The following PAH variants were observed in gnomAD, a reference collection of about 807,000 sequenced individuals.
The protein encoded by PAH is phenylalanine hydroxylase.
In PAH, 64 loss-of-function variants were observed where a neutral mutation model predicts 62.0. That is an observed-to-expected ratio of 1.03 (90% CI 0.84 to 1.27). The LOEUF is 1.27. PAH is among the 50% of genes most tolerant of loss of function. PAH has a pLI of 0.00. For missense variants in PAH, 579 were observed against 542.8 expected (o/e 1.07, Z -0.66); for synonymous variants, 195 against 196.2 (o/e 0.99, Z 0.05).
chr12:102,881,335 CAT>C (rs962432514), intron 3 of PAH, among the ~76,000 whole-genome samples: 42 of 151,104 alleles, frequency 2.8e-4, no homozygotes, highest in Admixed American at 1.5e-3. Context: ...TTATATAACA[CAT>C]ATATATTTAT....
At chr12:102,886,140 C>T (rs781057262) in intron 3 of PAH, 6 of 152,218 alleles carry the variant, frequency 3.9e-5, no homozygotes, top group African/African-American at 7.2e-5. Context: ...GAATGATGAG[C>T]CAAAGGCTGG....
chr12:102,949,020 G>A (rs1275540189), intron 1 of PAH, among the ~76,000 whole-genome samples: 1 of 151,988 alleles, frequency 6.6e-6, no homozygotes, highest in African/African-American at 2.4e-5. Context: ...TGCAGTTTGC[G>A]AAATAACCGG....
At chr12:102,843,064 A>G (rs2136634905) in intron 11 of PAH, among the ~76,000 whole-genome samples, 1 of 152,266 alleles carries the variant, frequency 6.6e-6, no homozygotes, top group South Asian at 2.1e-4. Context: ...GCCTTCACCA[A>G]TTATTTATTG....
rs867721500 is a variant in PAH, at chr12:102,837,285, A to G, written c.*1890T>C. The G allele has an allele frequency of 2.0e-5, 3 of 152,296 alleles. No homozygotes were observed. The highest frequency in any genetic ancestry group is 4.2e-4 in the South Asian group (2 of 4,818). The allele number at this position is 152,296 out of a possible 1,614,324, so 9.4% of individuals were successfully genotyped here. A position where few individuals can be genotyped will look rare whatever the true frequency, so the allele number is the denominator to read the frequency against. ...TCCTGTGAAAATCATAACTTAACCG[A>G]AACTTTACCTTCAAGCTCATTAAAA... On this transcript the variant is annotated 3_prime_UTR_variant, in exon 13 of 13. Coordinates refer to ENST00000553106, the MANE Select transcript of PAH (RefSeq NM_000277.3).
Position 102,877,519 on chromosome 12 carries a change from C to T in PAH, c.384G>A (p.Leu128=), listed in dbSNP as rs879012174. The part of the protein sequence containing the change: ...VPWFPRTIQE[L]DRFANQILSY... ...TGAGAATCTGATTGGCAAATCTGTC[C>T]AGCTCTTGAATGGTTCTTGGGAACC... Residue 128 remains leucine, a synonymous_variant, in exon 4 of 13, where the codon CTG becomes CTA. Transcript: ENST00000553106. The T allele has an allele frequency of 1.2e-6, 2 of 1,614,064 alleles. No individual in the cohort carries two copies. Among genetic ancestry groups the T allele is most frequent in the South Asian group, 2.2e-5 (2 of 91,074 alleles).
At chr12:102,882,789 C>T (rs1876877174) in intron 3 of PAH, among the ~76,000 whole-genome samples, 1 of 151,746 alleles carries the variant, frequency 6.6e-6, no homozygotes, top group South Asian at 2.1e-4. Context: ...TGGCAAGTGT[C>T]TTATCTCCTG....
At chr12:102,927,590 G>A (rs890853784) in intron 1 of PAH, among the ~76,000 whole-genome samples, 1 of 152,020 alleles carries the variant, frequency 6.6e-6, no homozygotes. Context: ...ATAGTGTGGG[G>A]AGAAATGAAA....
intron 11 of PAH, among the ~76,000 whole-genome samples, chr12:102,841,910 T>A (rs1874611928): frequency 6.6e-6 from 1 of 152,222 alleles, no homozygotes; most frequent in Non-Finnish European, 1.5e-5. Flanking sequence ...ACAACTTGAA[T>A]CTTAAAACTC....
At chr12:102,942,506 C>A (rs528159818) in intron 1 of PAH, among the ~76,000 whole-genome samples, 36 of 152,048 alleles carry the variant, frequency 2.4e-4, no homozygotes, top group Admixed American at 2.4e-3. Flanking sequence ...ACAACAGATT[C>A]ATTGCTATTT....
chr12:102,854,317 C>T (rs921104161), intron 6 of PAH, among the ~76,000 whole-genome samples: 1 of 152,174 alleles, frequency 6.6e-6, no homozygotes, highest in Middle Eastern at 3.2e-3. Context: ...AATTTTGTAA[C>T]CTGTAGTCTG....
intron 3 of PAH, among the ~76,000 whole-genome samples, chr12:102,889,584 G>T (rs892821653): frequency 1.3e-5 from 2 of 150,730 alleles, no homozygotes; most frequent in Non-Finnish European, 3.0e-5. Flanking sequence ...AGGCAGATAG[G>T]TCTTTCTGCT....
At chr12:102,914,041 C>A in intron 1 of PAH, 1 of 521,114 alleles carries the variant, frequency 1.9e-6, no homozygotes, top group Non-Finnish European at 3.4e-6. Context: ...TGTTAGGAAA[C>A]TCTTAGTGAC....
In PAH at chr12:102,855,209, TG is replaced by T. The variant is rs62514929; in HGVS notation, c.632del (p.Pro211HisfsTer130). On this transcript the variant is annotated frameshift_variant, in exon 6 of 13. Coordinates refer to ENST00000553106, the MANE Select transcript of PAH (RefSeq NM_000277.3). LOFTEE classifies it high-confidence loss of function. Reference protein sequence around the residue: ...HACYEYNHIFPLLEKYCGFHE... With the variant: ...HACYEYNHIFXLLEKYCGFHE... The stretch of plus-strand genomic sequence containing the variant: ...GGAAGCCACAGTACTTTTCAAGAAG[TG>T]GAAAAATGTGATTGTACTCATAGCA... The T allele has an allele frequency of 1.2e-6, 2 of 1,614,134 alleles. No homozygotes were observed. The highest frequency in any genetic ancestry group is 8.5e-7 in the Non-Finnish European group (1 of 1,180,004).
chr12:102,864,026 A>G (rs1460738450), intron 5 of PAH, among the ~76,000 whole-genome samples: 1 of 152,150 alleles, frequency 6.6e-6, no homozygotes, highest in Non-Finnish European at 1.5e-5. Context: ...CATTCATTCA[A>G]CAAATGTTAA....
chr12:102,864,044 C>T (rs1051549880), intron 5 of PAH, among the ~76,000 whole-genome samples: 1 of 152,110 alleles, frequency 6.6e-6, no homozygotes, highest in African/African-American at 2.4e-5. Flanking sequence ...TAATTGAGCA[C>T]TGTGACAAAA....
rs551001354 is a variant in PAH, at chr12:102,909,065, T to A, written c.168+3726A>T. Among the ~76,000 whole-genome samples, 92 of 152,176 alleles carry A rather than the reference T, an allele frequency of 6.0e-4. 1 individual carries two copies. Among genetic ancestry groups the A allele is most frequent in the African/African-American group, 2.2e-3 (90 of 41,524 alleles). On this transcript the variant is annotated intron_variant, in intron 2 of 12. Transcript: ENST00000553106. ...CTGGTCTTAAACTCCTGACCTCAGG[T>A]GATACTCCCGCCTCAGCCTCTCAAA...
At position 102,917,123 on chromosome 12, in the gene PAH, G is replaced by A. The variant is rs1451895979; in HGVS notation, c.8C>T (p.Thr3Ile). The A allele has an allele frequency of 6.2e-7, 1 of 1,614,210 alleles. No homozygotes were observed. The highest frequency in any genetic ancestry group is 2.2e-5 in the East Asian group (1 of 44,878). ...CAAGCCTGGGTTTTCCAGGACCGCA[G>A]TGGACATGCTGGCTCCCCGGGAGTG... MSTAVLENPGLGR... is the reference protein window; with the variant it reads MSIAVLENPGLGR... The change falls in exon 1 of 13, where the codon ACT becomes ATT. Residue 3 changes from threonine (T) to isoleucine (I), a missense_variant. Coordinates refer to ENST00000553106, the MANE Select transcript of PAH (RefSeq NM_000277.3).
chr12:102,868,309 G>C (rs1201248435), intron 4 of PAH, among the ~76,000 whole-genome samples: 1 of 150,834 alleles, frequency 6.6e-6, no homozygotes, highest in Non-Finnish European at 1.5e-5. Context: ...AAAAACTACA[G>C]ACACTTGTTG....
upstream of PAH, among the ~76,000 whole-genome samples, chr12:102,919,163 A>G (rs1878494261): frequency 6.6e-6 from 1 of 152,188 alleles, no homozygotes. Flanking sequence ...TGTTTCACCC[A>G]ACACCAAGGC....
Sources: allele counts gnomAD v4.1 joint callset (sites outside exome capture counted in the v4.1 genomes callset), GRCh38; gene constraint gnomAD v4.1.1; transcripts MANE v1.5; gene names NCBI Gene and HGNC (gene_info 2026-07-23, HGNC 2026-07-21).